The following CHLSN variants were observed in gnomAD, a reference collection of about 807,000 sequenced individuals.
CHLSN encodes cholesin.
chr7:1,134,752 CCAGCTACT>C, the CHLSN span, among the ~76,000 whole-genome samples: 3 of 151,144 alleles, frequency 2.0e-5, no homozygotes, highest in Non-Finnish European at 4.4e-5. Context: ...GCCTGTAGTC[CCAGCTACT>C]CAGCTACTCG....
chr7:1,028,062 C>T, the CHLSN span, among the ~76,000 whole-genome samples: 1 of 151,846 alleles, frequency 6.6e-6, no homozygotes, highest in Non-Finnish European at 1.5e-5. Flanking sequence ...GCTCGGGGAC[C>T]GGCGCGCAGC....
At chr7:998,524 G>C in the CHLSN span, among the ~76,000 whole-genome samples, 3 of 136,754 alleles carry the variant, frequency 2.2e-5, no homozygotes, top group East Asian at 2.2e-4. Flanking sequence ...GCAGTGGCAC[G>C]ATCTCCACCT....
At chr7:1,075,481 A>G in the CHLSN span, among the ~76,000 whole-genome samples, 3 of 151,464 alleles carry the variant, frequency 2.0e-5, no homozygotes, top group East Asian at 2.0e-4. Flanking sequence ...CCGAGATCGC[A>G]CCACTGCACT....
the CHLSN span, chr7:987,636 C>A: frequency 8.8e-7 from 1 of 1,137,672 alleles, no homozygotes; most frequent in Non-Finnish European, 1.2e-6. Context: ...CCTGATGGCC[C>A]AGCGCTCCCC....
chr7:986,219 C>T, the CHLSN span, among the ~76,000 whole-genome samples: 1 of 152,144 alleles, frequency 6.6e-6, no homozygotes, highest in East Asian at 1.9e-4. Context: ...ACGGAGCACC[C>T]GCTGGTGCCA....
chr7:1,035,780 C>A, the CHLSN span, among the ~76,000 whole-genome samples: 1 of 152,162 alleles, frequency 6.6e-6, no homozygotes, highest in Non-Finnish European at 1.5e-5. Context: ...AGCAAATGTG[C>A]CCCTTGGTAT....
At chr7:981,639 G>A in the CHLSN span, among the ~76,000 whole-genome samples, 1 of 152,036 alleles carries the variant, frequency 6.6e-6, no homozygotes, top group African/African-American at 2.4e-5. Flanking sequence ...GCTCCAACCC[G>A]GGAGGCGGAG....
chr7:987,499 G>A, the CHLSN span: 47 of 1,543,762 alleles, frequency 3.0e-5, no homozygotes, highest in Admixed American at 4.6e-4. Flanking sequence ...CACCGCGGCC[G>A]ACACACAGCT....
chr7:1,078,644 T>TC, the CHLSN span, among the ~76,000 whole-genome samples: 1 of 151,846 alleles, frequency 6.6e-6, no homozygotes, highest in Non-Finnish European at 1.5e-5. Context: ...CCAAATGCAC[T>TC]CCCGGGGGGT....
chr7:1,138,200 TGCGCCCACGTCGCCCACC>T, the CHLSN span: 1 of 55,118 alleles, frequency 1.8e-5, no homozygotes, highest in Non-Finnish European at 3.4e-5. Flanking sequence ...TGCGCCCACC[TGCGCCCACGTCGCCCACC>T]TAAGCGTGAA....
chr7:1,135,364 T>C, the CHLSN span, among the ~76,000 whole-genome samples: 400 of 152,252 alleles, frequency 2.6e-3, 3 homozygotes, highest in African/African-American at 9.4e-3. Context: ...GTTATATATA[T>C]ATACATGGTC....
the CHLSN span, among the ~76,000 whole-genome samples, chr7:1,130,121 G>A: frequency 1.3e-5 from 2 of 152,298 alleles, no homozygotes; most frequent in Admixed American, 6.5e-5. Flanking sequence ...AGCAGGCCAC[G>A]TATGAGGGTG....
At chr7:1,097,800 G>A in the CHLSN span, among the ~76,000 whole-genome samples, 2 of 152,214 alleles carry the variant, frequency 1.3e-5, no homozygotes, top group South Asian at 4.1e-4. This position sits in a 1 kb window ranked among gnomAD's most constrained non-coding sequence, Gnocchi z 4.3. Context: ...ACCCTGAGAA[G>A]GGTGCGTCTC....
At chr7:1,057,312 C>T in the CHLSN span, among the ~76,000 whole-genome samples, 5 of 152,160 alleles carry the variant, frequency 3.3e-5, no homozygotes, top group African/African-American at 9.7e-5. Context: ...CCGGTCACGA[C>T]CCGAGACGGC....
At chr7:1,070,858 G>A in the CHLSN span, among the ~76,000 whole-genome samples, 3 of 125,778 alleles carry the variant, frequency 2.4e-5, no homozygotes, top group Non-Finnish European at 3.4e-5. Flanking sequence ...ACACGGACAT[G>A]CACACGGGTG....
chr7:997,928 G>A, the CHLSN span: 18 of 859,712 alleles, frequency 2.1e-5, no homozygotes, highest in Middle Eastern at 3.2e-4. Flanking sequence ...ACTGCGGCCC[G>A]AGGGTGTGGG....
At chr7:1,012,362 G>T in the CHLSN span, among the ~76,000 whole-genome samples, 3 of 152,246 alleles carry the variant, frequency 2.0e-5, no homozygotes, top group Admixed American at 2.0e-4. Context: ...GTGGGCGCTG[G>T]CCTGGGGTGG....
chr7:1,122,668 T>G, the CHLSN span, among the ~76,000 whole-genome samples: 9 of 152,102 alleles, frequency 5.9e-5, no homozygotes, highest in African/African-American at 1.7e-4. Context: ...ATGTGTCATT[T>G]GAAACCTCAT....
chr7:1,021,517 C>A, the CHLSN span: 1 of 985,278 alleles, frequency 1.0e-6, no homozygotes, highest in South Asian at 4.7e-5. Flanking sequence ...GGAGCTGGGA[C>A]CCCAGGGAGC....
Sources: allele counts gnomAD v4.1 joint callset (sites outside exome capture counted in the v4.1 genomes callset), GRCh38; gene constraint gnomAD v4.1.1; non-coding constraint Gnocchi (gnomAD v3.1); transcripts MANE v1.5; gene names NCBI Gene and HGNC (gene_info 2026-07-23, HGNC 2026-07-21).